Variants in ZBTB7C observed in about 807,000 individuals in gnomAD.
ZBTB7C encodes zinc finger and BTB domain-containing protein 7C.
ZBTB7C carries 8 observed loss-of-function variants against 25.7 expected under a neutral mutation model. The ratio of observed to expected loss-of-function variants is 0.31; its 90% CI spans 0.18 to 0.56. The LOEUF is 0.56. Ranked by LOEUF, ZBTB7C falls within the 20% of genes least tolerant of loss-of-function variation. The pLI is 0.91. For synonymous variants in ZBTB7C, 394 were observed against 369.0 expected (o/e 1.07, Z -0.78); for missense variants, 824 against 855.2 (o/e 0.96, Z 0.46).
chr18:48,073,764 C>T lies in ZBTB7C; in HGVS notation c.-16-32641G>A, dbSNP rs944888051. On this transcript the variant is annotated intron_variant, in intron 3 of 4. Transcript: ENST00000590800. ...CCCCTCTCTTTAAGGGCCAGGCTGT[C>T]CTGTGGCTGGCAGCTGGCAGGAGAG... is the stretch of plus-strand genomic sequence containing the variant. Among the ~76,000 whole-genome samples the T allele has an allele frequency of 5.9e-5, 9 of 152,272 alleles. No individual in the cohort carries two copies. The East Asian group carries it at 1.7e-3, about 30-fold the overall frequency.
intron 2 of ZBTB7C, among the ~76,000 whole-genome samples, chr18:48,300,285 T>A (rs1166226530): frequency 6.6e-6 from 1 of 152,012 alleles, no homozygotes; most frequent in East Asian, 1.9e-4. Context: ...CTTGGCTAGG[T>A]TTTTCATGAG....
intron 3 of ZBTB7C, among the ~76,000 whole-genome samples, chr18:48,129,972 G>A (rs535044982): frequency 4.3e-4 from 65 of 152,256 alleles, no homozygotes; most frequent in African/African-American, 1.5e-3. Flanking sequence ...GGAGGAGGGC[G>A]GTCTCTGGCT....
intron 3 of ZBTB7C, among the ~76,000 whole-genome samples, chr18:48,064,509 G>C (rs770148952): frequency 6.6e-6 from 1 of 152,200 alleles, no homozygotes; most frequent in Non-Finnish European, 1.5e-5. Context: ...TTGGGAGGCC[G>C]AGGCGGGTGG....
At chr18:48,283,507 T>G (rs2044936321) in intron 2 of ZBTB7C, among the ~76,000 whole-genome samples, 1 of 152,202 alleles carries the variant, frequency 6.6e-6, no homozygotes, top group Non-Finnish European at 1.5e-5. Flanking sequence ...ACTAAAATCT[T>G]CCATTGCCAG....
rs1464084624 is a variant in ZBTB7C, at chr18:48,308,062, G to GTATACTCA, written c.-79+30104_-79+30111dup. On this transcript the variant is annotated intron_variant, in intron 2 of 4. Transcript: ENST00000590800. The stretch of plus-strand genomic sequence containing the variant: ...TATCCCTTTTCTAAGTTGGACTTTT[G>GTATACTCA]TATACTCATTTTGCATAAAGGAAGA... Among the ~76,000 whole-genome samples, 13 of 152,184 alleles carry GTATACTCA rather than the reference G, an allele frequency of 8.5e-5. 1 individual carries two copies. Among genetic ancestry groups the GTATACTCA allele is most frequent in the African/African-American group, 3.1e-4 (13 of 41,494 alleles).
chr18:48,183,043 T>G (rs2041967392), intron 3 of ZBTB7C, among the ~76,000 whole-genome samples: 1 of 152,202 alleles, frequency 6.6e-6, no homozygotes, highest in Non-Finnish European at 1.5e-5. Context: ...AAAATAATTT[T>G]CAATTCCTAT....
At chr18:48,367,202 T>TATATATATATACACACACACACAC (rs1302394192) in intron 1 of ZBTB7C, among the ~76,000 whole-genome samples, 1 of 63,398 alleles carries the variant, frequency 1.6e-5, no homozygotes, top group African/African-American at 6.2e-5. Context: ...TATATATATA[T>TATATATATATACACACACACACAC]ACACACACAC....
rs1258178572 is a variant in ZBTB7C at position 48,281,333 on chromosome 18, A to G, written c.-79+56841T>C. 1.4e-4 allele frequency among the ~76,000 whole-genome samples: 21 copies of G among 152,118 alleles called. No individual in the cohort carries two copies. The East Asian group carries it at 3.3e-3, about 24-fold the overall frequency. On this transcript the variant is annotated intron_variant, in intron 2 of 4. Transcript: ENST00000590800. Reference sequence around the variant, plus strand: ...TTCAAGATGGATTAAAGACTTAAACATTAGACCTAAAACCATAAAAACCCT... The same window carrying G: ...TTCAAGATGGATTAAAGACTTAAACGTTAGACCTAAAACCATAAAAACCCT...
At chr18:48,386,299 T>A (rs2145230390) in intron 1 of ZBTB7C, among the ~76,000 whole-genome samples, 1 of 152,222 alleles carries the variant, frequency 6.6e-6, no homozygotes, top group African/African-American at 2.4e-5. Context: ...AAGGCAGAAA[T>A]AACAGACAGA....
At chr18:48,324,894 G>A (rs2046182619) in intron 2 of ZBTB7C, among the ~76,000 whole-genome samples, 1 of 152,166 alleles carries the variant, frequency 6.6e-6, no homozygotes. Flanking sequence ...AAGTGGCAGA[G>A]TCCAGAGGCA....
chr18:48,400,002 C>T (rs2048121745), intron 1 of ZBTB7C, among the ~76,000 whole-genome samples: 1 of 152,210 alleles, frequency 6.6e-6, no homozygotes, highest in Admixed American at 6.5e-5. Flanking sequence ...CGGCCCCTCC[C>T]CTCTTTTATG....
rs566048826 is a variant in ZBTB7C at position 48,256,137 on chromosome 18, A to T, written c.-78-70142T>A. Among the ~76,000 whole-genome samples the T allele has an allele frequency of 3.9e-5, 6 of 152,246 alleles. No homozygotes were observed. In the East Asian group the frequency reaches 1.2e-3, roughly 29 times the overall value. The stretch of plus-strand genomic sequence containing the variant: ...ATTACTAAACTTTATTTTTAAAAAA[A>T]ACTATAAACCCACAGTTCCAAGAAG... On this transcript the variant is annotated intron_variant, in intron 2 of 4. Coordinates refer to ENST00000590800, the MANE Select transcript of ZBTB7C (RefSeq NM_001318841.2).
At chr18:48,181,916 C>T (rs1018558734) in intron 3 of ZBTB7C, among the ~76,000 whole-genome samples, 5 of 152,216 alleles carry the variant, frequency 3.3e-5, no homozygotes, top group Admixed American at 6.5e-5. Context: ...GCTACCTTCT[C>T]TTTTTAATAT....
intron 2 of ZBTB7C, among the ~76,000 whole-genome samples, chr18:48,186,394 A>T (rs1289698366): frequency 1.3e-5 from 2 of 152,248 alleles, no homozygotes; most frequent in Non-Finnish European, 2.9e-5. Flanking sequence ...AGCACAGGGC[A>T]TCTCCTTGTA....
chr18:48,358,338 C>T (rs938163805), intron 1 of ZBTB7C, among the ~76,000 whole-genome samples: 4 of 148,832 alleles, frequency 2.7e-5, no homozygotes, highest in South Asian at 2.1e-4. Context: ...GGTGACTGAA[C>T]GAGACTCCAC....
At chr18:48,224,165 G>C (rs983208454) in intron 2 of ZBTB7C, among the ~76,000 whole-genome samples, 3 of 152,180 alleles carry the variant, frequency 2.0e-5, no homozygotes, top group African/African-American at 7.2e-5. Flanking sequence ...TATGGTCTCT[G>C]CTACTAGCAG....
At chr18:48,285,956 C>G (rs2045035688) in intron 2 of ZBTB7C, among the ~76,000 whole-genome samples, 1 of 152,068 alleles carries the variant, frequency 6.6e-6, no homozygotes, top group Non-Finnish European at 1.5e-5. Flanking sequence ...CTGCATGACT[C>G]CTAGAATAAT....
Position 48,367,202 on chromosome 18 carries a change from T to TATATATATATATACAC in ZBTB7C, c.-303-28805_-303-28804insGTGTATATATATATAT, listed in dbSNP as rs1302394192. ...ATATATATATATATATATATATATATACACACACACACACACACACACACA... is the reference window on the plus strand; with the variant it reads ...ATATATATATATATATATATATATATATATATATATATACACACACACACACACACACACACACACA... On this transcript the variant is annotated intron_variant, in intron 1 of 4. Coordinates refer to ENST00000590800, the MANE Select transcript of ZBTB7C (RefSeq NM_001318841.2). Among the ~76,000 whole-genome samples the TATATATATATATACAC allele has an allele frequency of 1.5e-3, 97 of 63,330 alleles. 2 individuals carry two copies. The highest frequency in any genetic ancestry group is 5.4e-3 in the African/African-American group (88 of 16,214). The allele number at this position is 63,330 out of a possible 152,430, so 41.5% of individuals were successfully genotyped here.
intron 2 of ZBTB7C, among the ~76,000 whole-genome samples, chr18:48,197,033 C>T (rs12607165): frequency 0.31 from 46,609 of 151,956 alleles, 7,359 homozygotes; most frequent in East Asian, 0.54. Flanking sequence ...TCCCTGGCCA[C>T]GGTGACGAGA....
Sources: allele counts gnomAD v4.1 joint callset (sites outside exome capture counted in the v4.1 genomes callset), GRCh38; gene constraint gnomAD v4.1.1; transcripts MANE v1.5; gene names NCBI Gene and HGNC (gene_info 2026-07-23, HGNC 2026-07-21).